The following SMAP2 variants were observed in gnomAD, a reference collection of about 807,000 sequenced individuals.
SMAP2 encodes stromal membrane-associated protein 2.
In SMAP2, 25 loss-of-function variants were observed where a neutral mutation model predicts 56.4. The ratio of observed to expected loss-of-function variants is 0.44; its 90% CI spans 0.32 to 0.62. The LOEUF (loss-of-function observed/expected upper bound fraction) is 0.62, where lower values mean the gene tolerates loss of function less well. SMAP2 is among the 20% of genes least tolerant of loss of function. The pLI is 0.04. For missense variants in SMAP2, 388 were observed against 545.6 expected, an observed-to-expected ratio of 0.71 and a Z score of 2.88; for synonymous variants, 157 against 181.7, an observed-to-expected ratio of 0.86 and a Z score of 1.09.
Position 40,354,767 on chromosome 1 carries a change from ATTTTTTTTTTT to A in SMAP2, c.-82-7516_-82-7506del, listed in dbSNP as rs774191085. On this transcript the variant is annotated intron_variant, in intron 1 of 6. Transcript: ENST00000435168. Reference sequence around the variant, plus strand: ...GCAGTGAAATGAACCAAAACATTGAATTTTTTTTTTTTTTTTTTTTTTTTTTTGAGACAGAG... The same window carrying A: ...GCAGTGAAATGAACCAAAACATTGAATTTTTTTTTTTTTTTTGAGACAGAG... Among the ~76,000 whole-genome samples the A allele has an allele frequency of 1.6e-4, 11 of 67,330 alleles. 1 individual carries two copies. The highest frequency in any genetic ancestry group is 5.1e-4 in the Admixed American group (2 of 3,888). The allele number at this position is 67,330 out of a possible 152,430, so 44.2% of individuals were successfully genotyped here.
In SMAP2 at chr1:40,374,259, C is replaced by A. The variant is rs1336896323; in HGVS notation, c.103+36C>A. The stretch of plus-strand genomic sequence containing the variant: ...CCACCTGGCGGGCCAGGGGTCCAGC[C>A]GCGCCGGGGTGGTGGGGGTGGGCTG... On this transcript the variant is annotated intron_variant, in intron 1 of 9. Transcript: ENST00000372718. The surrounding 1 kb of genome is among the most constrained non-coding windows in gnomAD (Gnocchi z 5.9). The A allele has an allele frequency of 1.3e-6, 2 of 1,561,666 alleles. No homozygotes were observed. Among genetic ancestry groups the A allele is most frequent in the Middle Eastern group, 1.7e-4 (1 of 5,992 alleles).
Position 40,422,304 on chromosome 1 carries a change from T to G in SMAP2, c.*203T>G. The G allele has an allele frequency of 1.6e-6, 1 of 612,356 alleles. No homozygotes were observed. Among genetic ancestry groups the G allele is most frequent in the Non-Finnish European group, 2.7e-6 (1 of 365,906 alleles). 37.9% of individuals were successfully genotyped at this position (612,356 alleles called of 1,614,324 possible). ...GTTGCTTTATGTTGTACATGCCCCA[T>G]AGCCATCCCAACGTCCTCCCCAGTC... is the stretch of plus-strand genomic sequence containing the variant. On this transcript the variant is annotated 3_prime_UTR_variant, in exon 10 of 10. Transcript: ENST00000372718.
Position 40,408,598 on chromosome 1 carries a change from T to C in SMAP2, c.238-55T>C. The C allele has an allele frequency of 6.7e-7, 1 of 1,495,908 alleles. No individual in the cohort carries two copies. The highest frequency in any genetic ancestry group is 9.3e-7 in the Non-Finnish European group (1 of 1,074,252). 92.7% of individuals were successfully genotyped at this position (1,495,908 alleles called of 1,614,324 possible). A position where few individuals can be genotyped will look rare whatever the true frequency, so the allele number is the denominator to read the frequency against. ...CAGTAGTGGAATTGGGTGAGAAGTTTTTCAGTTCTTTCTTGATCTGACGTT... is the reference window on the plus strand; with the variant it reads ...CAGTAGTGGAATTGGGTGAGAAGTTCTTCAGTTCTTTCTTGATCTGACGTT... On this transcript the variant is annotated intron_variant, in intron 2 of 9. Transcript: ENST00000372718. The surrounding 1 kb of genome is among the most constrained non-coding windows in gnomAD (Gnocchi z 4.3).
chr1:40,355,229 TC>T, intron 1 of SMAP2, among the ~76,000 whole-genome samples: 2 of 152,290 alleles, frequency 1.3e-5, no homozygotes, highest in Middle Eastern at 3.4e-3. Context: ...TCAGCACTCT[TC>T]CGGCCTCTAC....
chr1:40,413,854 AC>A, intron 5 of SMAP2: 1 of 283,748 alleles, frequency 3.5e-6, no homozygotes. Flanking sequence ...TTTTCCTGGG[AC>A]CAAAAACTGC....
chr1:40,404,973 C>T (rs1360295076), intron 1 of SMAP2, among the ~76,000 whole-genome samples: 1 of 152,106 alleles, frequency 6.6e-6, no homozygotes, highest in East Asian at 1.9e-4. Flanking sequence ...TAAATCGGAG[C>T]TTGTGATAGC....
intron 5 of SMAP2, among the ~76,000 whole-genome samples, 184 bp downstream of exon 5, chr1:40,413,286 C>G (rs747609092): frequency 6.6e-6 from 1 of 152,174 alleles, no homozygotes; most frequent in Admixed American, 6.5e-5. Flanking sequence ...CTGCCTAAAT[C>G]TGCTCTGTAA....
chr1:40,408,507 T>C lies in SMAP2; in HGVS notation c.238-146T>C. The C allele has an allele frequency of 1.7e-6, 1 of 594,408 alleles. No homozygotes were observed. The highest frequency in any genetic ancestry group is 3.0e-6 in the Non-Finnish European group (1 of 338,214). The allele number at this position is 594,408 out of a possible 1,614,324, so 36.8% of individuals were successfully genotyped here. A position where few individuals can be genotyped will look rare whatever the true frequency, so the allele number is the denominator to read the frequency against. ...TAGTAAGGTAGAGGGAATCATGAATTGGAAATCAGAATACACAAGTTTAAA... is the reference window on the plus strand; with the variant it reads ...TAGTAAGGTAGAGGGAATCATGAATCGGAAATCAGAATACACAAGTTTAAA... On this transcript the variant is annotated intron_variant, in intron 2 of 9. Transcript: ENST00000372718. This position sits in a 1 kb window ranked among gnomAD's most constrained non-coding sequence, Gnocchi z 4.3.
chr1:40,345,865 A>G (rs974033083), intron 1 of SMAP2, among the ~76,000 whole-genome samples: 48 of 132,344 alleles, frequency 3.6e-4, no homozygotes, highest in Non-Finnish European at 4.9e-4. Flanking sequence ...ATTATATTAT[A>G]TTATATTGTA....
chr1:40,366,031 AGG>A (rs1644479907), intron 2 of SMAP2, among the ~76,000 whole-genome samples: 1 of 147,520 alleles, frequency 6.8e-6, no homozygotes, highest in Non-Finnish European at 1.5e-5. Context: ...CTGAAAACCA[AGG>A]CTCGAGAACT....
At chr1:40,396,443 G>C (rs934947056) in intron 1 of SMAP2, among the ~76,000 whole-genome samples, 1 of 152,042 alleles carries the variant, frequency 6.6e-6, no homozygotes, top group South Asian at 2.1e-4. Context: ...CTTGGTGTAG[G>C]ATTTACCTTT....
In SMAP2 at chr1:40,406,955, G is replaced by A. The variant is rs1029271178; in HGVS notation, c.237+86G>A. 3.0e-5 allele frequency: 43 copies of A among 1,437,798 alleles called. 1 individual carries two copies. Among genetic ancestry groups the A allele is most frequent in the Admixed American group, 2.1e-4 (9 of 43,512 alleles). 89.1% of individuals were successfully genotyped at this position (1,437,798 alleles called of 1,614,324 possible). ...GAATTTCAGTCAAACCTGGCACAAA[G>A]GTGAAGATAAAGGAAAATTTAGTTG... is the stretch of plus-strand genomic sequence containing the variant. On this transcript the variant is annotated intron_variant, in intron 2 of 9. Coordinates refer to ENST00000372718, the MANE Select transcript of SMAP2 (RefSeq NM_022733.3).
In SMAP2 at chr1:40,374,596, CGTGTGT is replaced by C. The variant is rs72258841; in HGVS notation, c.103+397_103+402del. 783 of 1,002,300 alleles carry C rather than the reference CGTGTGT, an allele frequency of 7.8e-4. 1 individual carries two copies. The highest frequency in any genetic ancestry group is 1.5e-3 in the African/African-American group (83 of 56,190). 62.1% of individuals were successfully genotyped at this position (1,002,300 alleles called of 1,614,324 possible). A position where few individuals can be genotyped will look rare whatever the true frequency, so the allele number is the denominator to read the frequency against. ...ACTGCATTGCGTGCGTGCGTGCGTG[CGTGTGT>C]GTGTGTGTGTGTGTGTGTGTGTGAG... is the stretch of plus-strand genomic sequence containing the variant. On this transcript the variant is annotated intron_variant, in intron 1 of 9. Coordinates refer to ENST00000372718, the MANE Select transcript of SMAP2 (RefSeq NM_022733.3). The surrounding 1 kb of genome is among the most constrained non-coding windows in gnomAD (Gnocchi z 5.9).
chr1:40,420,747 G>A (rs749521024), intron 9 of SMAP2, among the ~76,000 whole-genome samples: 2 of 152,112 alleles, frequency 1.3e-5, no homozygotes, highest in Admixed American at 6.6e-5. Flanking sequence ...ATTGAACCTC[G>A]ATCCAATTAT....
chr1:40,380,371 A>G (rs1214676284), intron 1 of SMAP2, among the ~76,000 whole-genome samples: 2 of 151,980 alleles, frequency 1.3e-5, no homozygotes, highest in Non-Finnish European at 2.9e-5. Context: ...TTGTGTAGAA[A>G]TTTTCTCATA....
chr1:40,414,620 G>C (rs983816877), intron 6 of SMAP2, among the ~76,000 whole-genome samples: 2 of 152,160 alleles, frequency 1.3e-5, no homozygotes, highest in Non-Finnish European at 2.9e-5. Context: ...TGCCTCTAAA[G>C]CTCTTAGCCC....
intron 4 of SMAP2, among the ~76,000 whole-genome samples, chr1:40,412,099 C>T (rs1166905995): frequency 6.6e-6 from 1 of 152,166 alleles, no homozygotes. Context: ...CATTTCCCTT[C>T]TGTGGCATAA....
intron 2 of SMAP2, among the ~76,000 whole-genome samples, chr1:40,363,623 T>C (rs570977992): frequency 6.6e-6 from 1 of 152,302 alleles, no homozygotes; most frequent in East Asian, 1.9e-4. Context: ...AAAATCACCT[T>C]CATATGAACC....
At chr1:40,389,473 G>GT (rs148837032) in intron 1 of SMAP2, among the ~76,000 whole-genome samples, 33,698 of 152,058 alleles carry the variant, frequency 0.22, 4,011 homozygotes, top group Admixed American at 0.33. Context: ...GCTTTGTTTT[G>GT]TTTTTTGATA....
Sources: gnomAD v4.1 joint callset for allele counts (sites outside exome capture counted in the v4.1 genomes callset) on GRCh38, gnomAD v4.1.1 for gene constraint, Gnocchi (gnomAD v3.1) non-coding constraint, MANE v1.5 for transcripts, NCBI Gene and HGNC (gene_info 2026-07-23, HGNC 2026-07-21) for gene names.